The following AGBL4 variants were observed in gnomAD, a reference collection of about 807,000 sequenced individuals.
AGBL4 encodes the protein AGBL carboxypeptidase 4, also known as cytosolic carboxypeptidase 6.
In AGBL4, 58 loss-of-function variants were observed where a neutral mutation model predicts 66.4. That is an observed-to-expected ratio of 0.87 (90% CI 0.71 to 1.09). AGBL4 has a LOEUF of 1.09. AGBL4 is among the 50% of genes least tolerant of loss of function. The pLI, the probability that AGBL4 is intolerant of heterozygous loss-of-function variation, is 0.00. For missense variants in AGBL4, 579 were observed against 631.0 expected (o/e 0.92, Z 0.88); for synonymous variants, 234 against 222.9 (o/e 1.05, Z -0.44).
chr1:50,014,989 A>C (rs1196472024), intron 1 of AGBL4, among the ~76,000 whole-genome samples: 1 of 152,190 alleles, frequency 6.6e-6, no homozygotes, highest in African/African-American at 2.4e-5. Context: ...CTGAGGAGAA[A>C]GGAAGAAATA....
At chr1:49,483,086 A>C (rs1646990766) in intron 3 of AGBL4, among the ~76,000 whole-genome samples, 1 of 152,058 alleles carries the variant, frequency 6.6e-6, no homozygotes, top group Admixed American at 6.6e-5. Context: ...AGAAGAATGT[A>C]TATTCTGTTA....
intron 3 of AGBL4, among the ~76,000 whole-genome samples, chr1:49,501,164 T>A (rs890189413): frequency 2.0e-5 from 3 of 152,146 alleles, no homozygotes; most frequent in Non-Finnish European, 4.4e-5. Context: ...AGGGGTTGAG[T>A]TCTTCATTTG....
chr1:48,609,349 T>C (rs1226973451), intron 9 of AGBL4, among the ~76,000 whole-genome samples: 2 of 152,182 alleles, frequency 1.3e-5, no homozygotes, highest in Non-Finnish European at 2.9e-5. Flanking sequence ...TTCTCTAGCT[T>C]TATGTCTTAC....
At chr1:49,771,319 CT>C (rs1281434060) in intron 2 of AGBL4, among the ~76,000 whole-genome samples, 2 of 151,902 alleles carry the variant, frequency 1.3e-5, no homozygotes, top group Admixed American at 6.6e-5. Flanking sequence ...CAATGGTTTT[CT>C]TGTTGATTTC....
At chr1:49,008,463 A>G (rs1221054283) in intron 5 of AGBL4, among the ~76,000 whole-genome samples, 4 of 148,862 alleles carry the variant, frequency 2.7e-5, no homozygotes, top group Non-Finnish European at 6.0e-5. Context: ...CATTAGACAG[A>G]TCAACGAGAC....
chr1:49,116,910 A>ACCT, intron 4 of AGBL4, among the ~76,000 whole-genome samples: 1 of 152,310 alleles, frequency 6.6e-6, no homozygotes, highest in Admixed American at 6.5e-5. Flanking sequence ...AATGATTGAC[A>ACCT]TTCTAACTGG....
chr1:49,522,101 G>A (rs1650311775), intron 3 of AGBL4, among the ~76,000 whole-genome samples: 1 of 152,064 alleles, frequency 6.6e-6, no homozygotes, highest in African/African-American at 2.4e-5. Flanking sequence ...ATTTGTTACA[G>A]TCTGTCCTAG....
At chr1:49,502,646 C>A (rs1339306542) in intron 3 of AGBL4, among the ~76,000 whole-genome samples, 2 of 151,946 alleles carry the variant, frequency 1.3e-5, no homozygotes, top group East Asian at 3.9e-4. Context: ...GAAATATGGA[C>A]AATGAAGTCC....
intron 4 of AGBL4, among the ~76,000 whole-genome samples, chr1:49,232,738 G>A (rs764587189): frequency 3.6e-5 from 4 of 111,574 alleles, no homozygotes; most frequent in Non-Finnish European, 5.5e-5. Context: ...AAGTCAGAGT[G>A]TACTGCTGAC....
chr1:49,156,804 T>C (rs1196704252), intron 4 of AGBL4, among the ~76,000 whole-genome samples: 4 of 152,188 alleles, frequency 2.6e-5, no homozygotes, highest in Non-Finnish European at 5.9e-5. Flanking sequence ...TGGTACAGTG[T>C]GAGTGGAGAC....
At chr1:49,690,175 A>G (rs917665395) in intron 3 of AGBL4, among the ~76,000 whole-genome samples, 1 of 152,172 alleles carries the variant, frequency 6.6e-6, no homozygotes, top group African/African-American at 2.4e-5. Context: ...ATACACATTG[A>G]TTTTAGACAT....
intron 1 of AGBL4, among the ~76,000 whole-genome samples, chr1:49,880,209 T>C (rs1647176366): frequency 6.6e-6 from 1 of 151,936 alleles, no homozygotes; most frequent in Non-Finnish European, 1.5e-5. Flanking sequence ...GGTGAGGAAC[T>C]GCGTTCCTTT....
At chr1:49,369,020 T>G (rs1453020218) in intron 3 of AGBL4, among the ~76,000 whole-genome samples, 1 of 151,898 alleles carries the variant, frequency 6.6e-6, no homozygotes, top group Non-Finnish European at 1.5e-5. Context: ...GAGGTTATGG[T>G]GAGCCAAGGT....
At chr1:49,296,350 T>A (rs922755126) in intron 3 of AGBL4, among the ~76,000 whole-genome samples, 1 of 152,196 alleles carries the variant, frequency 6.6e-6, no homozygotes. Flanking sequence ...CCAGTGATAG[T>A]TCTGATAACT....
chr1:49,526,489 A>C (rs753976862), intron 3 of AGBL4, among the ~76,000 whole-genome samples: 16 of 152,262 alleles, frequency 1.1e-4, no homozygotes, highest in Admixed American at 2.6e-4. Flanking sequence ...AAGAAGGAGC[A>C]TAATGTCATA....
intron 8 of AGBL4, among the ~76,000 whole-genome samples, chr1:48,651,196 G>A (rs1359413724): frequency 6.6e-6 from 1 of 152,194 alleles, no homozygotes; most frequent in Non-Finnish European, 1.5e-5. Flanking sequence ...TTCTCACTAG[G>A]AGAATGTTGG....
In AGBL4 at chr1:49,304,376, C is replaced by A. The variant is rs145523233; in HGVS notation, c.283-58512G>T. On this transcript the variant is annotated intron_variant, in intron 3 of 13. Coordinates refer to ENST00000371839, the MANE Select transcript of AGBL4 (RefSeq NM_032785.4). ...AAAAATATCACTTTTAACACATGTC[C>A]TAACAGTCTTGAATATCTAGATTTT... is the stretch of plus-strand genomic sequence containing the variant. Among the ~76,000 whole-genome samples the A allele has an allele frequency of 1.9e-3, 290 of 152,272 alleles. 2 individuals are homozygous for A. Among genetic ancestry groups the A allele is most frequent in the African/African-American group, 6.7e-3 (277 of 41,556 alleles).
At chr1:49,746,113 C>T (rs910382135) in intron 2 of AGBL4, among the ~76,000 whole-genome samples, 4 of 151,918 alleles carry the variant, frequency 2.6e-5, no homozygotes, top group Admixed American at 6.6e-5. Context: ...ACAGTTTATT[C>T]ATCAGTATAG....
chr1:49,063,255 C>T (rs2147915794), intron 4 of AGBL4, among the ~76,000 whole-genome samples: 1 of 152,308 alleles, frequency 6.6e-6, no homozygotes, highest in Middle Eastern at 3.4e-3. Flanking sequence ...AAGGATCACC[C>T]TGTGCAGTGT....
Sources: allele counts gnomAD v4.1 joint callset (sites outside exome capture counted in the v4.1 genomes callset), GRCh38; gene constraint gnomAD v4.1.1; transcripts MANE v1.5; gene names NCBI Gene and HGNC (gene_info 2026-07-23, HGNC 2026-07-21).